The following ZNF560 variants were observed in gnomAD, a reference collection of about 807,000 sequenced individuals.
ZNF560 encodes zinc finger protein 560.
A neutral mutation model predicts 81.8 loss-of-function variants in ZNF560; 54 were observed. The ratio of observed to expected loss-of-function variants is 0.66; its 90% CI spans 0.53 to 0.83. The LOEUF (loss-of-function observed/expected upper bound fraction) is 0.83, where lower values mean the gene tolerates loss of function less well. Among genes scored for constraint, ZNF560 ranks in the 40% least tolerant of loss-of-function variants. ZNF560 has a pLI of 0.00. For synonymous variants in ZNF560, 321 were observed against 317.9 expected, an observed-to-expected ratio of 1.01 and a Z score of -0.10; for missense variants, 940 against 932.4, an observed-to-expected ratio of 1.01 and a Z score of -0.11.
chr19:9,464,922 C>G (rs2072991573), downstream of ZNF560, among the ~76,000 whole-genome samples: 1 of 152,016 alleles, frequency 6.6e-6, no homozygotes, highest in Admixed American at 6.6e-5. Context: ...TGTGAATGCC[C>G]CTCATATTCA....
chr19:9,491,192 A>T (rs2073467139), intron 2 of ZNF560, among the ~76,000 whole-genome samples: 1 of 152,132 alleles, frequency 6.6e-6, no homozygotes, highest in African/African-American at 2.4e-5. Flanking sequence ...GGCTCACCAC[A>T]ACCTCCACCT....
chr19:9,477,175 G>C (rs1024734917), intron 2 of ZNF560, among the ~76,000 whole-genome samples: 1 of 151,922 alleles, frequency 6.6e-6, no homozygotes, highest in African/African-American at 2.4e-5. Context: ...TTATATGTTA[G>C]ACATTACATA....
At chr19:9,482,636 C>A (rs2073308266) in intron 2 of ZNF560, among the ~76,000 whole-genome samples, 1 of 143,962 alleles carries the variant, frequency 6.9e-6, no homozygotes, top group Admixed American at 6.9e-5. Flanking sequence ...AAAGAAAAGA[C>A]CTCCCCCTCC....
At chr19:9,480,495 A>G (rs943795410) in intron 2 of ZNF560, among the ~76,000 whole-genome samples, 2 of 152,200 alleles carry the variant, frequency 1.3e-5, no homozygotes, top group African/African-American at 2.4e-5. Flanking sequence ...TTAGAAGAAC[A>G]ACAAGAACTA....
At chr19:9,485,020 A>G (rs1199330904) in intron 2 of ZNF560, among the ~76,000 whole-genome samples, 1 of 152,170 alleles carries the variant, frequency 6.6e-6, no homozygotes, top group Non-Finnish European at 1.5e-5. Context: ...AGACACACAC[A>G]ACCTACCAAA....
upstream of ZNF560, among the ~76,000 whole-genome samples, chr19:9,500,277 C>T (rs972367065): frequency 2.7e-5 from 4 of 150,552 alleles, no homozygotes; most frequent in South Asian, 2.1e-4. Context: ...CCCAGCTACT[C>T]GGGAGGCTGA....
chr19:9,456,834 C>A, the ZNF560 span, among the ~76,000 whole-genome samples: 1 of 152,132 alleles, frequency 6.6e-6, no homozygotes, highest in African/African-American at 2.4e-5. Context: ...CAATGGGGAG[C>A]ACAAGTTCTA....
chr19:9,483,587 G>A (rs1355327357), intron 2 of ZNF560, among the ~76,000 whole-genome samples: 2 of 141,528 alleles, frequency 1.4e-5, no homozygotes, highest in Non-Finnish European at 3.1e-5. Context: ...GGGGTGGGGG[G>A]TCAGCCCCCG....
At chr19:9,465,204 A>G (rs2072996351), downstream of ZNF560, among the ~76,000 whole-genome samples, 1 of 144,182 alleles carries the variant, frequency 6.9e-6, no homozygotes, top group South Asian at 2.2e-4. Context: ...GATCTTGGCT[A>G]ACTGTAACCT....
the ZNF560 span, among the ~76,000 whole-genome samples, chr19:9,460,962 C>A: frequency 6.6e-6 from 1 of 152,086 alleles, no homozygotes; most frequent in South Asian, 2.1e-4. Context: ...CTGAATAAAA[C>A]GATCAGATGG....
intron 8 of ZNF560, 72 bp downstream of exon 8, chr19:9,469,558 T>TA (rs1291439225): frequency 7.1e-7 from 1 of 1,408,496 alleles, no homozygotes; most frequent in Non-Finnish European, 1.0e-6. Context: ...GGGCATCTTA[T>TA]AAAACTTCAT....
At chr19:9,474,418 A>G in intron 3 of ZNF560, 93 bp from the exon 4 acceptor site, 1 of 1,396,274 alleles carries the variant, frequency 7.2e-7, no homozygotes, top group Non-Finnish European at 9.7e-7. Flanking sequence ...GCCTATAAAG[A>G]GTTGTGAGGT....
intron 2 of ZNF560, among the ~76,000 whole-genome samples, chr19:9,484,722 G>A (rs1387471396): frequency 6.6e-6 from 1 of 151,534 alleles, no homozygotes; most frequent in Non-Finnish European, 1.5e-5. Flanking sequence ...GGCGGAGGCT[G>A]CAGTGAGCTG....
At chr19:9,461,256 C>A in the ZNF560 span, among the ~76,000 whole-genome samples, 1 of 152,190 alleles carries the variant, frequency 6.6e-6, no homozygotes, top group Admixed American at 6.5e-5. Context: ...AAGTTTGACA[C>A]CCCTAATTAT....
At chr19:9,482,901 G>A (rs1205144372) in intron 2 of ZNF560, among the ~76,000 whole-genome samples, 1 of 152,208 alleles carries the variant, frequency 6.6e-6, no homozygotes, top group East Asian at 1.9e-4. Context: ...CTAACCAGGA[G>A]TGACCTGCCA....
intron 2 of ZNF560, among the ~76,000 whole-genome samples, chr19:9,483,564 C>T (rs1369187783): frequency 1.3e-5 from 2 of 149,388 alleles, no homozygotes; most frequent in African/African-American, 4.9e-5. Context: ...GGCCAGCCGC[C>T]CCGTCCGGGA....
chr19:9,469,079 T>A, intron 9 of ZNF560, 26 bp downstream of exon 9: 1 of 1,530,264 alleles, frequency 6.5e-7, no homozygotes, highest in Admixed American at 2.0e-5. Flanking sequence ...ATGTGAAAAA[T>A]AAGAAAGTTC....
At chr19:9,452,012 G>T in the ZNF560 span, among the ~76,000 whole-genome samples, 5 of 152,176 alleles carry the variant, frequency 3.3e-5, no homozygotes, top group Middle Eastern at 3.4e-3. Context: ...AGAGGCGGAG[G>T]TTGCAGTGAG....
chr19:9,456,854 C>G, the ZNF560 span, among the ~76,000 whole-genome samples: 2 of 152,142 alleles, frequency 1.3e-5, no homozygotes, highest in African/African-American at 4.8e-5. Context: ...AATTCCTGAG[C>G]AATTATACAG....
Sources: gnomAD v4.1 joint callset for allele counts (sites outside exome capture counted in the v4.1 genomes callset) on GRCh38, gnomAD v4.1.1 for gene constraint, MANE v1.5 for transcripts, NCBI Gene and HGNC (gene_info 2026-07-23, HGNC 2026-07-21) for gene names.